Variants in PLAA observed in about 807,000 individuals in gnomAD.
PLAA encodes the protein phospholipase A2 activating protein.
Under a neutral mutation model 84.1 loss-of-function variants are expected in PLAA, and 48 were observed. The ratio of observed to expected loss-of-function variants is 0.57; its 90% CI spans 0.45 to 0.73. PLAA has a LOEUF of 0.73. PLAA is among the 30% of genes least tolerant of loss of function. The probability of loss-of-function intolerance (pLI) is 0.00; values close to 1 mark genes in which losing one functional copy is unlikely to be tolerated. For missense variants in PLAA, 903 were observed against 954.7 expected (o/e 0.95, Z 0.71); for synonymous variants, 392 against 336.6 (o/e 1.16, Z -1.80).
intron 11 of PLAA, among the ~76,000 whole-genome samples, chr9:26,910,674 C>T (rs752506592): frequency 1.3e-4 from 20 of 151,950 alleles, no homozygotes; most frequent in Non-Finnish European, 2.5e-4. Context: ...GATCATCTCA[C>T]ACTTTTTACT....
rs181350487 is a variant in PLAA at position 26,928,685 on chromosome 9, C to T, written c.344-277G>A. Among the ~76,000 whole-genome samples the T allele has an allele frequency of 1.2e-4, 18 of 152,258 alleles. No homozygotes were observed. The East Asian group carries it at 1.5e-3, about 13-fold the overall frequency. On this transcript the variant is annotated intron_variant, in intron 2 of 13. Transcript: ENST00000397292. ...ATTCCTTGTCTGTGAAACGAGGGAG[C>T]GGAACTTAAGTGAGCTACACAATCC...
At chr9:26,936,450 G>C (rs922102959) in intron 1 of PLAA, among the ~76,000 whole-genome samples, 1 of 152,210 alleles carries the variant, frequency 6.6e-6, no homozygotes, top group Non-Finnish European at 1.5e-5. Flanking sequence ...CCTAGACAAC[G>C]ATGGCACTGG....
chr9:26,930,736 C>T (rs1825155672), intron 2 of PLAA, among the ~76,000 whole-genome samples: 1 of 151,990 alleles, frequency 6.6e-6, no homozygotes, highest in Admixed American at 6.6e-5. Context: ...GCATGCGCCA[C>T]CATGCCCGGC....
At position 26,935,168 on chromosome 9, in the gene PLAA, C is replaced by T; in HGVS notation, c.188G>A (p.Gly63Asp). The T allele has an allele frequency of 6.3e-7, 1 of 1,594,298 alleles. No individual in the cohort carries two copies. Among genetic ancestry groups the T allele is most frequent in the Non-Finnish European group, 8.5e-7 (1 of 1,173,908 alleles). The change falls in exon 2 of 14, where the codon GGC (glycine) becomes GAC (aspartate). Residue 63 changes from glycine (G) to aspartate (D), a missense_variant. Transcript: ENST00000397292. ...TACACAAGATACAAAATTGGAATGG[C>T]CACTCATACAGTGCATTTCTGTAAA... is the stretch of plus-strand genomic sequence containing the variant. ...RSFTEMHCMSGHSNFVSCVCI... is the reference protein window; with the variant it reads ...RSFTEMHCMSDHSNFVSCVCI...
intron 9 of PLAA, among the ~76,000 whole-genome samples, chr9:26,918,649 G>A (rs2131378314): frequency 6.6e-6 from 1 of 152,234 alleles, no homozygotes. Flanking sequence ...CAGAAATGAT[G>A]AGAGGAAAAC....
chr9:26,916,539 G>A, intron 10 of PLAA: 3 of 987,028 alleles, frequency 3.0e-6, no homozygotes, highest in Non-Finnish European at 3.6e-6. Flanking sequence ...GTAGTTGGGT[G>A]GAATGTCTCC....
chr9:26,921,295 G>A (rs1449795298), intron 7 of PLAA, among the ~76,000 whole-genome samples: 4 of 152,112 alleles, frequency 2.6e-5, no homozygotes, highest in South Asian at 2.1e-4. Flanking sequence ...TCCATCCTCC[G>A]AAGAATCATG....
chr9:26,927,802 C>T (rs978933991), intron 4 of PLAA, among the ~76,000 whole-genome samples: 3 of 152,166 alleles, frequency 2.0e-5, no homozygotes, highest in East Asian at 1.9e-4. Flanking sequence ...AAAATGACAA[C>T]CAAAAATATA....
chr9:26,909,562 G>A, intron 12 of PLAA, among the ~76,000 whole-genome samples: 1 of 151,300 alleles, frequency 6.6e-6, no homozygotes, highest in East Asian at 1.9e-4. Context: ...ACTGTATTTT[G>A]TTTTGAGGAA....
chr9:26,929,480 TA>T (rs1393755919), intron 2 of PLAA, among the ~76,000 whole-genome samples: 1 of 150,498 alleles, frequency 6.6e-6, no homozygotes, highest in Non-Finnish European at 1.5e-5. Context: ...TCTCAAAAGA[TA>T]AAAGAAAAAA....
intron 10 of PLAA, 77 bp from the exon 11 acceptor site, chr9:26,914,024 C>G: frequency 2.0e-6 from 2 of 983,734 alleles, no homozygotes; most frequent in Non-Finnish European, 1.6e-6. Context: ...CGCTTATTTC[C>G]AGTATTAAGC....
chr9:26,911,449 C>A (rs1400668053), intron 11 of PLAA, among the ~76,000 whole-genome samples: 4 of 152,136 alleles, frequency 2.6e-5, no homozygotes, highest in African/African-American at 7.2e-5. Flanking sequence ...CCATGCCCAG[C>A]CTAATTTTTG....
rs142357971 is a variant in PLAA at position 26,918,212 on chromosome 9, C to A, written c.1418-1047G>T. Among the ~76,000 whole-genome samples the A allele has an allele frequency of 8.7e-3, 1,320 of 151,696 alleles. 16 individuals carry two copies. The highest frequency in any genetic ancestry group is 0.03 in the African/African-American group (1,245 of 41,320). ...CTGCCACCTCTGCCTCCCAGGTTCACGTGATTCTCCTGCCTCAGTTTTCCA... is the reference window on the plus strand; with the variant it reads ...CTGCCACCTCTGCCTCCCAGGTTCAAGTGATTCTCCTGCCTCAGTTTTCCA... On this transcript the variant is annotated intron_variant, in intron 9 of 13. Transcript: ENST00000397292.
At chr9:26,932,973 A>G (rs1587181372) in intron 2 of PLAA, among the ~76,000 whole-genome samples, 1 of 152,054 alleles carries the variant, frequency 6.6e-6, no homozygotes, top group African/African-American at 2.4e-5. Context: ...CATCCCTACT[A>G]AAAACACAAA....
At chr9:26,933,751 T>C (rs1165489270) in intron 2 of PLAA, among the ~76,000 whole-genome samples, 1 of 138,574 alleles carries the variant, frequency 7.2e-6, no homozygotes, top group Non-Finnish European at 1.5e-5. Context: ...ATCACGCCAC[T>C]GCATTCCAGC....
intron 1 of PLAA, among the ~76,000 whole-genome samples, chr9:26,943,568 T>A (rs1361629928): frequency 3.3e-5 from 5 of 152,182 alleles, no homozygotes; most frequent in African/African-American, 7.2e-5. Flanking sequence ...GTGGTAAATT[T>A]CATTTACCAC....
intron 2 of PLAA, among the ~76,000 whole-genome samples, chr9:26,930,027 T>C (rs758840345): frequency 3.3e-5 from 5 of 152,136 alleles, no homozygotes; most frequent in Non-Finnish European, 5.9e-5. Flanking sequence ...TTTTTAAAAT[T>C]GATTTTTTTA....
At position 26,925,673 on chromosome 9, in the gene PLAA, T is replaced by G. The variant is rs936326158; in HGVS notation, c.869+152A>C. 3 of 617,730 alleles carry G rather than the reference T, an allele frequency of 4.9e-6. No individual in the cohort carries two copies. In the African/African-American group the frequency reaches 5.6e-5, roughly 11 times the overall value. 38.3% of individuals were successfully genotyped at this position (617,730 alleles called of 1,614,324 possible). On this transcript the variant is annotated intron_variant, in intron 6 of 13. Coordinates refer to ENST00000397292, the MANE Select transcript of PLAA (RefSeq NM_001031689.3). ...ATCATGCATCCCTTAGTATGAAAGC[T>G]ATAATATCTACTACTGTTTTGTTTA...
Position 26,935,060 on chromosome 9 carries a change from A to G in PLAA, c.296T>C (p.Leu99Pro). 6.2e-7 allele frequency: 1 copy of G among 1,609,470 alleles called. No individual in the cohort carries two copies. Among genetic ancestry groups the G allele is most frequent in the Non-Finnish European group, 8.5e-7 (1 of 1,178,428 alleles). ...AATATAAAGTGGCATTGGACTGTCC[A>G]GTGAGAAAATGCATATATTGTGGTC... ...GNDHNICIFS[L>P]DSPMPLYILK... The change falls in exon 2 of 14, where the codon CTG becomes CCG. Residue 99 changes from leucine (L) to proline (P), a missense_variant. By Grantham distance (98) the Leu-to-Pro change is moderately conservative. Transcript: ENST00000397292.
Sources: gnomAD v4.1 joint callset for allele counts (sites outside exome capture counted in the v4.1 genomes callset) on GRCh38, gnomAD v4.1.1 for gene constraint, MANE v1.5 for transcripts, NCBI Gene and HGNC (gene_info 2026-07-23, HGNC 2026-07-21) for gene names.